EPHA6: variants seen among roughly 807,000 people sequenced by gnomAD.
EPHA6 encodes EPH receptor A6.
In EPHA6, 50 loss-of-function variants were observed where a neutral mutation model predicts 112.0. That is an observed-to-expected ratio of 0.45 (90% confidence interval 0.36 to 0.56). EPHA6 has a LOEUF of 0.56. Among genes scored for constraint, EPHA6 ranks in the 20% least tolerant of loss-of-function variants. The pLI is 0.00. For synonymous variants in EPHA6, 529 were observed against 490.7 expected (o/e 1.08, Z -1.03); for missense variants, 1,280 against 1,417.4 (o/e 0.90, Z 1.56).
At chr3:97,068,332 G>T (rs564861872) in intron 3 of EPHA6, among the ~76,000 whole-genome samples, 1 of 152,170 alleles carries the variant, frequency 6.6e-6, no homozygotes, top group Non-Finnish European at 1.5e-5. Context: ...GGATCAGGGA[G>T]GGTTGGGACA....
At chr3:97,266,335 A>G (rs1016343275) in intron 5 of EPHA6, among the ~76,000 whole-genome samples, 4 of 152,214 alleles carry the variant, frequency 2.6e-5, no homozygotes, top group African/African-American at 9.6e-5. Flanking sequence ...GTCATAATTT[A>G]TTATATTTTT....
chr3:97,743,081 A>G (rs2035576487), intron 16 of EPHA6, among the ~76,000 whole-genome samples: 1 of 152,136 alleles, frequency 6.6e-6, no homozygotes, highest in African/African-American at 2.4e-5. Context: ...TCTGAAACCT[A>G]TAAAGACAGA....
At chr3:97,747,311 T>A in intron 16 of EPHA6, 112 bp from the exon 17 acceptor site, 1 of 960,286 alleles carries the variant, frequency 1.0e-6, no homozygotes, top group Non-Finnish European at 1.4e-6. Context: ...AAATGGAGAA[T>A]AAAAACATTA....
intron 3 of EPHA6, among the ~76,000 whole-genome samples, chr3:97,060,450 A>G (rs891188122): frequency 1.3e-5 from 2 of 152,284 alleles, no homozygotes; most frequent in African/African-American, 2.4e-5. Context: ...TTAATTAACA[A>G]CCATGCTACC....
At chr3:97,351,004 G>T (rs1388407979) in intron 5 of EPHA6, among the ~76,000 whole-genome samples, 2 of 152,092 alleles carry the variant, frequency 1.3e-5, no homozygotes, top group Non-Finnish European at 1.5e-5. Flanking sequence ...CAGCCTATTT[G>T]GTCTTCAACT....
intron 11 of EPHA6, among the ~76,000 whole-genome samples, chr3:97,572,906 C>T (rs1326009662): frequency 6.6e-6 from 1 of 152,140 alleles, no homozygotes; most frequent in Non-Finnish European, 1.5e-5. Flanking sequence ...CAATATCAAA[C>T]AGCTTGTAGG....
intron 3 of EPHA6, among the ~76,000 whole-genome samples, chr3:97,124,605 C>G (rs2108311355): frequency 6.6e-6 from 1 of 152,224 alleles, no homozygotes; most frequent in Non-Finnish European, 1.5e-5. Context: ...TTAGTAAATA[C>G]CTTGTCACAA....
At chr3:97,495,614 C>CA (rs2091956660) in intron 10 of EPHA6, among the ~76,000 whole-genome samples, 1 of 152,046 alleles carries the variant, frequency 6.6e-6, no homozygotes, top group Admixed American at 6.6e-5. Context: ...TTTTCCATCT[C>CA]AATTACATCA....
chr3:97,315,469 A>G (rs781079872), intron 5 of EPHA6, among the ~76,000 whole-genome samples: 1 of 151,750 alleles, frequency 6.6e-6, no homozygotes, highest in Non-Finnish European at 1.5e-5. Flanking sequence ...AAGTGTGAAT[A>G]GTGAGTGTGG....
At chr3:97,658,800 AAAC>A (rs1215333316) in intron 14 of EPHA6, among the ~76,000 whole-genome samples, 1 of 151,926 alleles carries the variant, frequency 6.6e-6, no homozygotes, top group South Asian at 2.1e-4. Context: ...AAGCATGATA[AAAC>A]AACACCTTTG....
chr3:97,663,132 A>G (rs1356748876), intron 14 of EPHA6, among the ~76,000 whole-genome samples: 1 of 152,198 alleles, frequency 6.6e-6, no homozygotes, highest in African/African-American at 2.4e-5. Flanking sequence ...CAGTGTAGGA[A>G]GTATCATGGG....
chr3:97,174,276 C>G (rs1208780523), intron 3 of EPHA6, among the ~76,000 whole-genome samples: 2 of 151,854 alleles, frequency 1.3e-5, no homozygotes, highest in Non-Finnish European at 2.9e-5. Context: ...ATATGTACTA[C>G]ATTTTCTTTA....
intron 14 of EPHA6, among the ~76,000 whole-genome samples, chr3:97,656,895 T>G (rs989144537): frequency 2.0e-5 from 3 of 151,942 alleles, no homozygotes; most frequent in Non-Finnish European, 2.9e-5. Context: ...TCTTTAAACT[T>G]GCAATAAGAA....
intron 14 of EPHA6, among the ~76,000 whole-genome samples, chr3:97,676,736 C>T (rs992985951): frequency 2.0e-5 from 3 of 152,158 alleles, no homozygotes; most frequent in Middle Eastern, 6.3e-3. Flanking sequence ...GGAGTATGAA[C>T]TGTTTATCTC....
intron 1 of EPHA6, among the ~76,000 whole-genome samples, chr3:96,859,378 G>C (rs962478330): frequency 7.0e-6 from 1 of 143,880 alleles, no homozygotes. Context: ...CTCTGATAAT[G>C]GTTAATTTTT....
At chr3:97,469,028 G>A (rs183321396) in intron 7 of EPHA6, among the ~76,000 whole-genome samples, 105 of 151,724 alleles carry the variant, frequency 6.9e-4, no homozygotes, top group African/African-American at 2.3e-3. Context: ...GGAGGCAAAC[G>A]TTTTTTAATC....
intron 3 of EPHA6, among the ~76,000 whole-genome samples, chr3:97,012,579 TTA>T (rs1220277679): frequency 6.2e-4 from 85 of 137,972 alleles, no homozygotes; most frequent in East Asian, 5.7e-3. Context: ...TACATAAAAT[TTA>T]TATATGTGTG....
chr3:97,252,718 C>G (rs1347681117), intron 5 of EPHA6, among the ~76,000 whole-genome samples: 2 of 152,136 alleles, frequency 1.3e-5, no homozygotes, highest in African/African-American at 4.8e-5. Flanking sequence ...AACCTAGATC[C>G]TAGAGCCCAG....
chr3:97,156,707 T>C (rs1457249494), intron 3 of EPHA6, among the ~76,000 whole-genome samples: 1 of 152,156 alleles, frequency 6.6e-6, no homozygotes, highest in African/African-American at 2.4e-5. Flanking sequence ...GAAAAGGTCA[T>C]CTGCACTTTT....
Sources: gnomAD v4.1 joint callset for allele counts (sites outside exome capture counted in the v4.1 genomes callset) on GRCh38, gnomAD v4.1.1 for gene constraint, MANE v1.5 for transcripts, NCBI Gene and HGNC (gene_info 2026-07-23, HGNC 2026-07-21) for gene names.